GRIP1: variants seen among roughly 807,000 people sequenced by gnomAD.
GRIP1 encodes the protein glutamate receptor-interacting protein 1.
Under a neutral mutation model 129.9 loss-of-function variants are expected in GRIP1, and 45 were observed. The ratio of observed to expected loss-of-function variants is 0.35; its 90% CI spans 0.27 to 0.44. The LOEUF is 0.44. GRIP1 is among the 20% of genes least tolerant of loss of function. The probability of loss-of-function intolerance (pLI) is 1.00; values close to 1 mark genes in which losing one functional copy is unlikely to be tolerated. For synonymous variants in GRIP1, 530 were observed against 520.8 expected, an observed-to-expected ratio of 1.02 and a Z score of -0.24; for missense variants, 1,196 against 1,396.8, an observed-to-expected ratio of 0.86 and a Z score of 2.29.
At chr12:66,660,582 CATAATA>C (rs1000649286) in intron 1 of GRIP1, among the ~76,000 whole-genome samples, 1 of 152,106 alleles carries the variant, frequency 6.6e-6, no homozygotes, top group East Asian at 1.9e-4. Context: ...CATAAGACTA[CATAATA>C]ATTGTACAAA....
At chr12:66,628,492 C>T (rs1451225044) in intron 1 of GRIP1, among the ~76,000 whole-genome samples, 3 of 152,216 alleles carry the variant, frequency 2.0e-5, no homozygotes, top group African/African-American at 7.2e-5. Context: ...CCTGCTTCCT[C>T]CAGCCCTTTT....
chr12:67,054,691 G>A (rs540917891), intron 1 of GRIP1, among the ~76,000 whole-genome samples: 2 of 151,782 alleles, frequency 1.3e-5, no homozygotes, highest in East Asian at 1.9e-4. Context: ...TTGAACCCGG[G>A]AGGTAGAGGC....
chr12:66,937,784 T>C (rs2041511367), intron 1 of GRIP1, among the ~76,000 whole-genome samples: 1 of 152,166 alleles, frequency 6.6e-6, no homozygotes, highest in African/African-American at 2.4e-5. Context: ...AAAGGGGCAG[T>C]TGATGCTACA....
chr12:66,367,211 T>C (rs2055204828), intron 23 of GRIP1, among the ~76,000 whole-genome samples: 2 of 152,162 alleles, frequency 1.3e-5, no homozygotes, highest in Non-Finnish European at 2.9e-5. Context: ...GAATCTGTGA[T>C]AAGCTGTAGT....
At chr12:66,976,931 T>C (rs1281960725) in intron 1 of GRIP1, among the ~76,000 whole-genome samples, 1 of 152,226 alleles carries the variant, frequency 6.6e-6, no homozygotes, top group Admixed American at 6.5e-5. Flanking sequence ...CATCCAAGTT[T>C]ATAAACTGCC....
chr12:66,577,555 T>C (rs143774537), intron 2 of GRIP1, among the ~76,000 whole-genome samples: 13 of 152,314 alleles, frequency 8.5e-5, no homozygotes, highest in African/African-American at 3.1e-4. Context: ...GATGAGATCC[T>C]AAGGCAGGTG....
chr12:66,584,450 G>T (rs75791808), intron 2 of GRIP1, among the ~76,000 whole-genome samples: 37,192 of 151,890 alleles, frequency 0.24, 4,628 homozygotes, highest in Admixed American at 0.28. Flanking sequence ...GCACATCTCT[G>T]TAATCCCAGC....
At chr12:66,830,831 A>ATTTTTTTT (rs113993317) in intron 1 of GRIP1, among the ~76,000 whole-genome samples, 1 of 139,024 alleles carries the variant, frequency 7.2e-6, no homozygotes, top group Non-Finnish European at 1.5e-5. Context: ...TGGTATCTGA[A>ATTTTTTTT]TTTTTTTTTT....
intron 1 of GRIP1, among the ~76,000 whole-genome samples, chr12:66,963,629 T>C (rs896438214): frequency 2.6e-5 from 4 of 152,288 alleles, no homozygotes; most frequent in Admixed American, 2.6e-4. Flanking sequence ...TGCAGTAAAC[T>C]TTTCACTGCT....
At chr12:66,451,457 A>G (rs111812296) in intron 11 of GRIP1, among the ~76,000 whole-genome samples, 32,375 of 124,216 alleles carry the variant, frequency 0.26, 4,263 homozygotes, top group Middle Eastern at 0.54. Context: ...AGGCTGGAGC[A>G]TAGTGGCAGA....
chr12:66,618,592 T>C lies in GRIP1; in HGVS notation c.56-21665A>G, dbSNP rs1411491762. Among the ~76,000 whole-genome samples the C allele has an allele frequency of 5.9e-5, 9 of 152,284 alleles. No individual in the cohort carries two copies. The South Asian group carries it at 6.2e-4, about 11-fold the overall frequency. On this transcript the variant is annotated intron_variant, in intron 1 of 24. Coordinates refer to ENST00000359742, the MANE Select transcript of GRIP1 (RefSeq NM_001366722.1). The stretch of plus-strand genomic sequence containing the variant: ...ATAATTTCTGAATTTTCCAAAAACA[T>C]ATTGCATATATATTACTGAATATAC...
At position 66,406,352 on chromosome 12, in the gene GRIP1, C is replaced by A; in HGVS notation, c.1915G>T (p.Ala639Ser). 6.2e-7 allele frequency: 1 copy of A among 1,613,724 alleles called. No homozygotes were observed. Among genetic ancestry groups the A allele is most frequent in the Non-Finnish European group, 8.5e-7 (1 of 1,179,582 alleles). Residue 639 changes from alanine to serine, a missense_variant, in exon 16 of 25, where the codon GCA becomes TCA. By Grantham distance (99) the Ala-to-Ser change is moderately conservative. Around this residue, in one of 5 missense-constraint regions of GRIP1, gnomAD observed 508 missense variants for 587.0 expected, o/e 0.87. Transcript: ENST00000359742. ...IRLDNCSMED[A>S]VQILQQCEDL... is the part of the protein sequence containing the mutation. Reference sequence around the variant, plus strand: ...TCACATTGCTGGAGGATCTGAACTGCATCTTCCATGGAACAGTTGTCCAGC... The same window carrying A: ...TCACATTGCTGGAGGATCTGAACTGAATCTTCCATGGAACAGTTGTCCAGC...
intron 1 of GRIP1, among the ~76,000 whole-genome samples, chr12:66,741,046 G>A (rs189512559): frequency 2.4e-4 from 36 of 152,298 alleles, no homozygotes; most frequent in Admixed American, 9.1e-4. Flanking sequence ...GGGCTTGGTT[G>A]TGAAGAATGA....
chr12:66,864,869 C>A (rs916877759), intron 1 of GRIP1, among the ~76,000 whole-genome samples: 21 of 152,252 alleles, frequency 1.4e-4, no homozygotes, highest in African/African-American at 4.3e-4. Flanking sequence ...AATACATAGT[C>A]CACTGGCTGG....
At chr12:66,938,784 C>T (rs1443531238) in intron 1 of GRIP1, among the ~76,000 whole-genome samples, 1 of 152,066 alleles carries the variant, frequency 6.6e-6, no homozygotes, top group Non-Finnish European at 1.5e-5. Context: ...TGGTGAAACC[C>T]CATCTCCACT....
intron 13 of GRIP1, among the ~76,000 whole-genome samples, chr12:66,437,831 A>T (rs981116399): frequency 2.6e-5 from 4 of 152,206 alleles, no homozygotes; most frequent in Non-Finnish European, 5.9e-5. Context: ...AGAGGTTTAG[A>T]ACTCCTGCTC....
chr12:66,443,078 T>C (rs2058514633), intron 13 of GRIP1, among the ~76,000 whole-genome samples: 1 of 152,240 alleles, frequency 6.6e-6, no homozygotes, highest in African/African-American at 2.4e-5. Flanking sequence ...TAGTCTTTCA[T>C]TGTGTGAAGA....
At chr12:66,471,016 T>C (rs1010060745) in intron 7 of GRIP1, among the ~76,000 whole-genome samples, 1 of 152,186 alleles carries the variant, frequency 6.6e-6, no homozygotes, top group African/African-American at 2.4e-5. Context: ...TTGTCCTCCC[T>C]TCCTCTGATC....
intron 2 of GRIP1, among the ~76,000 whole-genome samples, chr12:66,578,688 G>A (rs184328887): frequency 0.25 from 37,312 of 152,030 alleles, 4,691 homozygotes; most frequent in Admixed American, 0.28. Flanking sequence ...ACTGCAAGGT[G>A]GCAGCGAGGC....
Sources: gnomAD v4.1 joint callset for allele counts (sites outside exome capture counted in the v4.1 genomes callset) on GRCh38, gnomAD v4.1.1 for gene constraint, gnomAD v4.1.1 regional missense constraint, MANE v1.5 for transcripts, NCBI Gene and HGNC (gene_info 2026-07-23, HGNC 2026-07-21) for gene names.